Variants in PFKM observed in about 807,000 individuals in gnomAD.
PFKM encodes ATP-dependent 6-phosphofructokinase, muscle type.
PFKM carries 58 observed loss-of-function variants against 95.5 expected under a neutral mutation model. That is an observed-to-expected ratio of 0.61 (90% CI 0.49 to 0.76). PFKM has a LOEUF of 0.76. Ranked by LOEUF, PFKM falls within the 30% of genes least tolerant of loss-of-function variation. The pLI, the probability that PFKM is intolerant of heterozygous loss-of-function variation, is 0.00. For synonymous variants in PFKM, 336 were observed against 357.2 expected, an observed-to-expected ratio of 0.94 and a Z score of 0.67; for missense variants, 678 against 1,005.4, an observed-to-expected ratio of 0.67 and a Z score of 4.40.
At chr12:48,105,727 G>C, upstream of PFKM, 1 of 514,546 alleles carries the variant, frequency 1.9e-6, no homozygotes, top group Middle Eastern at 5.3e-4. Context: ...AGTACGGCTG[G>C]GCGCTGGGAT....
exon 1 of PFKM, chr12:48,105,985 C>G (rs1402210071): frequency 2.9e-6 from 2 of 700,132 alleles, no homozygotes; most frequent in South Asian, 1.5e-5. Context: ...GGACCAGGCT[C>G]CCTCCATCCT....
intron 2 of PFKM, chr12:48,125,621 CAA>C (rs562841214): frequency 5.9e-4 from 61 of 103,002 alleles, no homozygotes; most frequent in South Asian, 1.9e-3. Flanking sequence ...AACTCTGTCT[CAA>C]AAAAAAAAAA....
At position 48,145,764 on chromosome 12, in the gene PFKM, T is replaced by A; in HGVS notation, c.*56T>A. On this transcript the variant is annotated 3_prime_UTR_variant, in exon 23 of 23. Transcript: ENST00000359794. This position sits in a 1 kb window ranked among gnomAD's most constrained non-coding sequence, Gnocchi z 4.3. ...TGATCATGGTCAGCTCACACCCTAATAAGTCCACATCTTCTCAGTGTTTTA... is the reference window on the plus strand; with the variant it reads ...TGATCATGGTCAGCTCACACCCTAAAAAGTCCACATCTTCTCAGTGTTTTA... 6.5e-7 allele frequency: 1 copy of A among 1,548,818 alleles called. No homozygotes were observed. The highest frequency in any genetic ancestry group is 8.9e-7 in the Non-Finnish European group (1 of 1,120,696).
rs756667294 is a variant in PFKM at position 48,122,769 on chromosome 12, T to TGGATCATGACCCATGAAGA, written c.-4_15dup. 75 of 1,613,806 alleles carry TGGATCATGACCCATGAAGA rather than the reference T, an allele frequency of 4.6e-5. No homozygotes were observed. Among genetic ancestry groups the TGGATCATGACCCATGAAGA allele is most frequent in the Non-Finnish European group, 1.2e-5 (14 of 1,179,892 alleles). On this transcript the variant is annotated 5_prime_UTR_variant, in exon 2 of 23. The change creates a new upstream start codon in the 5' untranslated region. Transcript: ENST00000359794. ...CTGACCATTGTCTTAAATTCTAGAG[T>TGGATCATGACCCATGAAGA]GGATCATGACCCATGAAGAGCACCA... is the stretch of plus-strand genomic sequence containing the variant.
chr12:48,133,243 T>C, intron 5 of PFKM, 72 bp from the exon 6 acceptor site: 8 of 1,396,550 alleles, frequency 5.7e-6, no homozygotes, highest in Non-Finnish European at 8.1e-6. Context: ...AGTTTCTCTC[T>C]CTCTAGATAT....
chr12:48,124,784 A>G (rs1948651565), intron 2 of PFKM, among the ~76,000 whole-genome samples: 1 of 152,178 alleles, frequency 6.6e-6, no homozygotes, highest in Non-Finnish European at 1.5e-5. Flanking sequence ...GAGTGATAGA[A>G]ACTGAAATTC....
chr12:48,132,831 C>G, intron 4 of PFKM, 37 bp from the exon 5 acceptor site: 5 of 1,557,358 alleles, frequency 3.2e-6, no homozygotes, highest in Non-Finnish European at 4.4e-6. Flanking sequence ...CATGTTGAGC[C>G]CTGTCTCTGG....
At position 48,127,844 on chromosome 12, in the gene PFKM, C is replaced by T. The variant is rs140659139; in HGVS notation, c.86-2519C>T. Among the ~76,000 whole-genome samples the T allele has an allele frequency of 4.1e-3, 621 of 152,268 alleles. 2 individuals carry two copies. The highest frequency in any genetic ancestry group is 7.1e-3 in the Non-Finnish European group (481 of 68,018). ...CAAATGAAAGCTGTGGACCTTCTCC[C>T]GAAAGAAATGTCCATGCCTGCAGAA... On this transcript the variant is annotated intron_variant, in intron 2 of 22. Coordinates refer to ENST00000359794, the MANE Select transcript of PFKM (RefSeq NM_000289.6).
chr12:48,134,696 A>G (rs547098154), intron 7 of PFKM, 25 bp from the exon 8 acceptor site: 50 of 1,481,252 alleles, frequency 3.4e-5, no homozygotes, highest in Non-Finnish European at 4.6e-5. Flanking sequence ...AACTTCTAGC[A>G]GGATGCTTCT....
At chr12:48,139,749 G>C in intron 12 of PFKM, 100 bp from the exon 13 acceptor site, 1 of 847,780 alleles carries the variant, frequency 1.2e-6, no homozygotes, top group Non-Finnish European at 2.0e-6. Context: ...TTGCCCTATG[G>C]AACTTCCCTC....
In PFKM at chr12:48,143,841, A is replaced by G. The variant is rs4075913; in HGVS notation, c.1880+27A>G. The G allele has an allele frequency of 0.8, 1,259,985 of 1,576,994 alleles. 511,957 individuals carry two copies. The highest frequency in any genetic ancestry group is 0.84 in the Non-Finnish European group (965,574 of 1,146,306). On this transcript the variant is annotated intron_variant, in intron 19 of 22. Transcript: ENST00000359794. ...TACCTCATCCATGGTTTGTTCCTAAATGAAGAAGAAAAATAAGCTTTGGCT... is the reference window on the plus strand; with the variant it reads ...TACCTCATCCATGGTTTGTTCCTAAGTGAAGAAGAAAAATAAGCTTTGGCT...
intron 4 of PFKM, chr12:48,132,122 A>G: frequency 2.2e-6 from 1 of 454,504 alleles, no homozygotes; most frequent in Non-Finnish European, 4.4e-6. Context: ...TGGTCTGAGA[A>G]TGAGCCAGAA....
At chr12:48,119,173 C>G (rs541317377), upstream of PFKM, 2 of 530,734 alleles carry the variant, frequency 3.8e-6, no homozygotes, top group Non-Finnish European at 4.8e-6. Context: ...AACTAAGCCG[C>G]TGCCATATCT....
At chr12:48,125,350 A>C in intron 2 of PFKM, 1 of 449,866 alleles carries the variant, frequency 2.2e-6, no homozygotes, top group Non-Finnish European at 4.5e-6. Context: ...GGCCAGGTGC[A>C]GTGGCTCACA....
At chr12:48,141,018 G>T in intron 14 of PFKM, 147 bp downstream of exon 14, 1 of 790,848 alleles carries the variant, frequency 1.3e-6, no homozygotes, top group South Asian at 1.6e-5. Context: ...TTTAATACTA[G>T]GGCAGTAGGA....
upstream of PFKM, chr12:48,118,466 G>C (rs1947867445): frequency 1.5e-6 from 2 of 1,317,104 alleles, no homozygotes; most frequent in South Asian, 1.3e-5. Flanking sequence ...ACTTGCATTT[G>C]TATTGTTTGT....
intron 2 of PFKM, among the ~76,000 whole-genome samples, chr12:48,127,640 G>A (rs1948996055): frequency 6.6e-6 from 1 of 152,002 alleles, no homozygotes; most frequent in Non-Finnish European, 1.5e-5. Flanking sequence ...TCTTTTCTAG[G>A]ATGCCAGGTA....
At chr12:48,115,335 AG>A (rs1232478216), upstream of PFKM, among the ~76,000 whole-genome samples, 41 of 152,246 alleles carry the variant, frequency 2.7e-4, no homozygotes, top group African/African-American at 9.6e-4. Context: ...AGGTGGGCTG[AG>A]TCCGAAAAAG....
exon 1 of PFKM, chr12:48,105,937 C>T: frequency 1.5e-6 from 1 of 687,280 alleles, no homozygotes. Flanking sequence ...CCGCCCAGTC[C>T]AGCCCGGGCC....
Sources: allele counts gnomAD v4.1 joint callset (sites outside exome capture counted in the v4.1 genomes callset), GRCh38; gene constraint gnomAD v4.1.1; non-coding constraint Gnocchi (gnomAD v3.1); transcripts MANE v1.5; gene names NCBI Gene and HGNC (gene_info 2026-07-23, HGNC 2026-07-21).